CNTN5: variants seen among roughly 807,000 people sequenced by gnomAD.
CNTN5 encodes the protein contactin 5.
Under a neutral mutation model 129.1 loss-of-function variants are expected in CNTN5, and 77 were observed. That is an observed-to-expected ratio of 0.60 (90% CI 0.50 to 0.72). CNTN5 has a LOEUF of 0.72. Ranked by LOEUF, CNTN5 falls within the 30% of genes least tolerant of loss-of-function variation. The pLI is 0.00. For synonymous variants in CNTN5, 509 were observed against 465.6 expected (o/e 1.09, Z -1.20); for missense variants, 1,478 against 1,328.8 (o/e 1.11, Z -1.75).
chr11:99,735,196 TGTTA>T (rs925901164), intron 3 of CNTN5, among the ~76,000 whole-genome samples: 4 of 139,226 alleles, frequency 2.9e-5, no homozygotes, highest in Admixed American at 7.4e-5. Context: ...TTCTAAGGTG[TGTTA>T]GTTAAACAAA....
intron 3 of CNTN5, among the ~76,000 whole-genome samples, chr11:99,819,116 C>T (rs1175002849): frequency 6.6e-6 from 1 of 151,558 alleles, no homozygotes; most frequent in Non-Finnish European, 1.5e-5. Flanking sequence ...AAGAACTGAT[C>T]TATGTGAATG....
At chr11:100,273,350 G>C (rs1171455165) in intron 18 of CNTN5, among the ~76,000 whole-genome samples, 3 of 152,086 alleles carry the variant, frequency 2.0e-5, no homozygotes, top group Admixed American at 6.5e-5. Context: ...CTTAGGGGTA[G>C]GGGTGGGGAT....
At chr11:99,215,324 G>C (rs921593370) in intron 1 of CNTN5, among the ~76,000 whole-genome samples, 7 of 152,152 alleles carry the variant, frequency 4.6e-5, no homozygotes, top group Admixed American at 4.6e-4. Context: ...AACACAGAGA[G>C]CAATGAGGAG....
chr11:100,125,106 A>T (rs1421553931), intron 13 of CNTN5, among the ~76,000 whole-genome samples: 2 of 152,068 alleles, frequency 1.3e-5, no homozygotes, highest in Non-Finnish European at 2.9e-5. Context: ...AGAATTGAAG[A>T]TGTTATAGAA....
chr11:99,101,793 A>G (rs1021161196), intron 1 of CNTN5, among the ~76,000 whole-genome samples: 12 of 152,154 alleles, frequency 7.9e-5, no homozygotes, highest in African/African-American at 2.9e-4. Flanking sequence ...TTCCAGGCAC[A>G]TGGTGTGAGG....
At chr11:99,732,775 T>C (rs1182114595) in intron 3 of CNTN5, among the ~76,000 whole-genome samples, 3 of 152,138 alleles carry the variant, frequency 2.0e-5, no homozygotes, top group Non-Finnish European at 4.4e-5. Context: ...ATTAAAATAA[T>C]AGAGGAAGAT....
chr11:100,137,515 G>A (rs1179210455), intron 13 of CNTN5, among the ~76,000 whole-genome samples: 2 of 152,096 alleles, frequency 1.3e-5, no homozygotes, highest in Non-Finnish European at 2.9e-5. Context: ...ATGAAAGGAT[G>A]ACATTCATTT....
intron 18 of CNTN5, among the ~76,000 whole-genome samples, chr11:100,290,447 AT>A (rs1323876329): frequency 1.4e-5 from 2 of 147,402 alleles, no homozygotes; most frequent in African/African-American, 5.0e-5. Context: ...CTCAGAAATA[AT>A]GCCGCATATC....
At chr11:100,160,366 T>C (rs1591335006) in intron 13 of CNTN5, among the ~76,000 whole-genome samples, 1 of 151,990 alleles carries the variant, frequency 6.6e-6, no homozygotes, top group Admixed American at 6.6e-5. Context: ...TTGTGAATAG[T>C]GCTGCAATAA....
At chr11:99,632,457 C>T (rs1325966298) in intron 3 of CNTN5, among the ~76,000 whole-genome samples, 1 of 151,968 alleles carries the variant, frequency 6.6e-6, no homozygotes, top group Non-Finnish European at 1.5e-5. Flanking sequence ...TGAATGACTC[C>T]AAAGGCCCAG....
intron 7 of CNTN5, among the ~76,000 whole-genome samples, chr11:99,921,847 A>C (rs1157171740): frequency 6.6e-6 from 1 of 152,204 alleles, no homozygotes; most frequent in African/African-American, 2.4e-5. Flanking sequence ...AAATAAGAAT[A>C]GGAAAAAAAC....
intron 2 of CNTN5, among the ~76,000 whole-genome samples, chr11:99,528,558 T>A (rs1473217443): frequency 6.6e-6 from 1 of 152,178 alleles, no homozygotes; most frequent in Admixed American, 6.5e-5. Context: ...AGAGCTGAGA[T>A]CTTGAGAAAC....
intron 3 of CNTN5, among the ~76,000 whole-genome samples, chr11:99,771,033 A>G (rs1944927757): frequency 6.6e-6 from 1 of 152,130 alleles, no homozygotes; most frequent in Non-Finnish European, 1.5e-5. Context: ...CATGAAGAAT[A>G]TAGAATGGAG....
chr11:100,008,169 A>C (rs944777359), intron 9 of CNTN5, among the ~76,000 whole-genome samples: 8 of 152,078 alleles, frequency 5.3e-5, no homozygotes, highest in Non-Finnish European at 1.0e-4. Context: ...ATTATAACAG[A>C]CATAATAAAA....
intron 6 of CNTN5, among the ~76,000 whole-genome samples, chr11:99,892,216 C>T (rs942901011): frequency 8.6e-5 from 13 of 152,026 alleles, no homozygotes; most frequent in African/African-American, 3.1e-4. Context: ...TTTGTAAATT[C>T]TGGATATTAG....
intron 1 of CNTN5, among the ~76,000 whole-genome samples, chr11:99,290,262 G>A (rs2135917011): frequency 6.6e-6 from 1 of 151,898 alleles, no homozygotes; most frequent in South Asian, 2.1e-4. Context: ...CTTGCATAGA[G>A]ACATTTTGTA....
intron 2 of CNTN5, among the ~76,000 whole-genome samples, chr11:99,453,175 C>T (rs945667637): frequency 4.6e-5 from 7 of 152,068 alleles, no homozygotes; most frequent in Non-Finnish European, 1.0e-4. Flanking sequence ...AAATTAGGCC[C>T]ATGTTTGATT....
At chr11:99,876,860 T>G (rs2135837660) in intron 6 of CNTN5, among the ~76,000 whole-genome samples, 1 of 152,330 alleles carries the variant, frequency 6.6e-6, no homozygotes, top group South Asian at 2.1e-4. Flanking sequence ...ACCTTATTGC[T>G]ATACTAAATG....
chr11:100,153,315 C>G (rs887040905), intron 13 of CNTN5, among the ~76,000 whole-genome samples: 6 of 152,030 alleles, frequency 3.9e-5, no homozygotes, highest in Non-Finnish European at 8.8e-5. Flanking sequence ...TTTACGATTT[C>G]AGTAAAGTTA....
Sources: allele counts gnomAD v4.1 joint callset (sites outside exome capture counted in the v4.1 genomes callset), GRCh38; gene constraint gnomAD v4.1.1; transcripts MANE v1.5; gene names NCBI Gene and HGNC (gene_info 2026-07-23, HGNC 2026-07-21).